The following KRT77 variants were observed in gnomAD, a reference collection of about 807,000 sequenced individuals.
KRT77 encodes the protein keratin, type II cytoskeletal 1b.
A neutral mutation model predicts 51.5 loss-of-function variants in KRT77; 44 were observed. That is an observed-to-expected ratio of 0.85 (90% confidence interval 0.67 to 1.10). KRT77 has a LOEUF of 1.10. KRT77 is among the 50% of genes least tolerant of loss of function. The probability of loss-of-function intolerance (pLI) is 0.00; values close to 1 mark genes in which losing one functional copy is unlikely to be tolerated. For missense variants in KRT77, 763 were observed against 743.9 expected (o/e 1.03, Z -0.30); for synonymous variants, 293 against 302.0 (o/e 0.97, Z 0.31).
intron 7 of KRT77, 121 bp from the exon 8 acceptor site, chr12:52,692,093 G>C (rs1354523778): frequency 1.8e-6 from 2 of 1,098,836 alleles, no homozygotes; most frequent in African/African-American, 1.5e-5. Context: ...TGCATGAGCA[G>C]AGGTCAGGAA....
At chr12:52,697,321 C>A (rs1013955112) in intron 2 of KRT77, among the ~76,000 whole-genome samples, 1 of 152,238 alleles carries the variant, frequency 6.6e-6, no homozygotes. Context: ...CTACCCACAA[C>A]AATCCAACAA....
intron 5 of KRT77, among the ~76,000 whole-genome samples, chr12:52,694,402 G>A (rs945011994): frequency 5.9e-5 from 9 of 152,174 alleles, no homozygotes; most frequent in African/African-American, 1.4e-4. Context: ...GGCGAGAACC[G>A]CAATCACTTT....
Position 52,703,045 on chromosome 12 carries a change from A to G in KRT77, c.390T>C (p.Tyr130=), listed in dbSNP as rs1565655792. 17 of 1,613,874 alleles carry G rather than the reference A, an allele frequency of 1.1e-5. No homozygotes were observed. Among genetic ancestry groups the G allele is most frequent in the Non-Finnish European group, 1.4e-5 (17 of 1,179,990 alleles). Residue 130 remains tyrosine (Y), a synonymous_variant, in exon 1 of 9, where the codon TAT becomes TAC. Coordinates refer to ENST00000341809, the MANE Select transcript of KRT77 (RefSeq NM_175078.3). ...SNFGLGGFGP[Y]CPPGGIQEVT... ...CCTCTTGGATGCCCCCAGGAGGACA[A>G]TAAGGACCAAAGCCCCCAAGCCCAA... is the stretch of plus-strand genomic sequence containing the variant.
chr12:52,694,457 A>G (rs1941761968), intron 5 of KRT77, among the ~76,000 whole-genome samples, 169 bp downstream of exon 5: 1 of 152,246 alleles, frequency 6.6e-6, no homozygotes, highest in Non-Finnish European at 1.5e-5. Context: ...AGAGATATTA[A>G]CATATTAATA....
In KRT77 at chr12:52,691,991, C is replaced by A. The variant is rs557324994; in HGVS notation, c.1428-19G>T. 26 of 1,613,612 alleles carry A rather than the reference C, an allele frequency of 1.6e-5. No homozygotes were observed. In the South Asian group the frequency reaches 2.9e-4, roughly 18 times the overall value. ...TGACATCCTGTAAAACCAAAGCACA[C>A]GGTCAGCCAGACCCACAGGGCCTGA... On this transcript the variant is annotated intron_variant, in intron 7 of 8. Transcript: ENST00000341809.
chr12:52,695,603 G>C (rs928786376), intron 4 of KRT77, among the ~76,000 whole-genome samples, 169 bp downstream of exon 4: 11 of 152,176 alleles, frequency 7.2e-5, no homozygotes, highest in African/African-American at 2.7e-4. Context: ...GGGATTCTGA[G>C]GATTGGGGTG....
intron 3 of KRT77, 36 bp from the exon 4 acceptor site, chr12:52,695,903 C>T (rs376735481): frequency 9.9e-6 from 13 of 1,317,916 alleles, no homozygotes; most frequent in Non-Finnish European, 1.4e-5. Context: ...ACTTTATTGC[C>T]CAGGCATTGC....
intron 1 of KRT77, among the ~76,000 whole-genome samples, chr12:52,698,922 C>A (rs1174792038): frequency 6.6e-6 from 1 of 152,228 alleles, no homozygotes; most frequent in Non-Finnish European, 1.5e-5. Flanking sequence ...CCTGAAGACA[C>A]TCCCCTACCA....
intron 5 of KRT77, chr12:52,693,692 A>G (rs1402950897): frequency 6.6e-6 from 1 of 151,080 alleles, no homozygotes; most frequent in East Asian, 1.9e-4. Context: ...AGAAGTAACC[A>G]AAGATGTGCC....
chr12:52,701,373 ACT>A (rs1565655153), intron 1 of KRT77, among the ~76,000 whole-genome samples: 1 of 151,678 alleles, frequency 6.6e-6, no homozygotes, highest in Non-Finnish European at 1.5e-5. Context: ...GGGCCTCAGC[ACT>A]CTCACCCTCC....
chr12:52,694,019 A>G (rs1941754701), intron 5 of KRT77, among the ~76,000 whole-genome samples: 1 of 149,308 alleles, frequency 6.7e-6, no homozygotes, highest in Admixed American at 6.7e-5. Context: ...CCTGGGAGAT[A>G]GAGTGAGTTT....
chr12:52,698,820 G>A (rs1017931129), intron 1 of KRT77, among the ~76,000 whole-genome samples: 3 of 152,318 alleles, frequency 2.0e-5, no homozygotes, highest in Middle Eastern at 3.4e-3. Flanking sequence ...AGGCGCACAC[G>A]CCCAAAAACA....
chr12:52,694,832 C>T, intron 4 of KRT77, 42 bp from the exon 5 acceptor site: 1 of 1,496,176 alleles, frequency 6.7e-7, no homozygotes, highest in South Asian at 1.4e-5. Flanking sequence ...CCATTCTCCT[C>T]TGGGGGCCTC....
intron 5 of KRT77, 74 bp from the exon 6 acceptor site, chr12:52,692,954 G>A: frequency 6.5e-7 from 1 of 1,527,560 alleles, no homozygotes; most frequent in Non-Finnish European, 9.0e-7. Context: ...GTAGGTCTGG[G>A]CTGCTCTCCC....
chr12:52,696,400 G>T lies in KRT77; in HGVS notation c.789C>A (p.Gly263=). The change falls in exon 3 of 9, where the codon GGC becomes GGA. Residue 263 remains glycine, a synonymous_variant. Coordinates refer to ENST00000341809, the MANE Select transcript of KRT77 (RefSeq NM_175078.3). ...KYEDEINKRT[G]SENDFVVLKK... ...TCAGGACGACAAAGTCATTCTCGCT[G>T]CCAGTCCTCTTGTTGATTTCATCCT... 6.2e-7 allele frequency: 1 copy of T among 1,614,160 alleles called. No individual in the cohort carries two copies. The highest frequency in any genetic ancestry group is 2.2e-5 in the East Asian group (1 of 44,888).
intron 3 of KRT77, among the ~76,000 whole-genome samples, chr12:52,696,123 T>C (rs1941791839): frequency 6.6e-6 from 1 of 152,184 alleles, no homozygotes; most frequent in Non-Finnish European, 1.5e-5. Flanking sequence ...TACAGGTAAC[T>C]GACACTCAAA....
chr12:52,696,273 G>T, intron 3 of KRT77, 97 bp downstream of exon 3: 2 of 1,180,938 alleles, frequency 1.7e-6, no homozygotes, highest in Non-Finnish European at 2.5e-6. Context: ...GGCCGTAGAG[G>T]CCACCCTGCC....
chr12:52,690,887 A>G lies in KRT77; in HGVS notation c.*278T>C. 2 of 550,932 alleles carry G rather than the reference A, an allele frequency of 3.6e-6. No individual in the cohort carries two copies. The highest frequency in any genetic ancestry group is 1.9e-5 in the African/African-American group (1 of 51,448). 34.1% of individuals were successfully genotyped at this position (550,932 alleles called of 1,614,324 possible). On this transcript the variant is annotated 3_prime_UTR_variant, in exon 9 of 9. Coordinates refer to ENST00000341809, the MANE Select transcript of KRT77 (RefSeq NM_175078.3). The stretch of plus-strand genomic sequence containing the variant: ...CTCACCCTGGGCTACCGATCTTCCA[A>G]AAAGGTGGGAGCAGGAACAGCAGCA...
chr12:52,701,213 G>A (rs1941882879), intron 1 of KRT77, among the ~76,000 whole-genome samples: 2 of 152,192 alleles, frequency 1.3e-5, no homozygotes, highest in South Asian at 4.1e-4. Context: ...GCCCAGCCGT[G>A]ACCTCCGAGT....
Sources: gnomAD v4.1 joint callset for allele counts (sites outside exome capture counted in the v4.1 genomes callset) on GRCh38, gnomAD v4.1.1 for gene constraint, MANE v1.5 for transcripts, NCBI Gene and HGNC (gene_info 2026-07-23, HGNC 2026-07-21) for gene names.